AFAP1: variants seen among roughly 807,000 people sequenced by gnomAD.
AFAP1 encodes actin filament associated protein 1.
AFAP1 carries 75 observed loss-of-function variants against 93.9 expected under a neutral mutation model. That is an observed-to-expected ratio of 0.80 (90% confidence interval 0.66 to 0.97). AFAP1 has a LOEUF of 0.97. AFAP1 is among the 50% of genes least tolerant of loss of function. The pLI, the probability that AFAP1 is intolerant of heterozygous loss-of-function variation, is 0.00. For synonymous variants in AFAP1, 517 were observed against 430.7 expected, an observed-to-expected ratio of 1.20 and a Z score of -2.48; for missense variants, 1,201 against 1,050.8, an observed-to-expected ratio of 1.14 and a Z score of -1.98.
intron 1 of AFAP1, among the ~76,000 whole-genome samples, chr4:7,925,736 T>C (rs954164132): frequency 2.6e-5 from 4 of 152,076 alleles, no homozygotes; most frequent in African/African-American, 7.3e-5. Flanking sequence ...TCCCAGCTAC[T>C]TGGCAGGCTG....
rs546018067 is a variant in AFAP1 at position 7,899,003 on chromosome 4, A to G, written c.-2-26923T>C. Among the ~76,000 whole-genome samples the G allele has an allele frequency of 1.6e-4, 22 of 137,664 alleles. 1 individual carries two copies. The highest frequency in any genetic ancestry group is 8.7e-4 in the South Asian group (4 of 4,604). 90.3% of individuals were successfully genotyped at this position (137,664 alleles called of 152,430 possible). A position where few individuals can be genotyped will look rare whatever the true frequency, so the allele number is the denominator to read the frequency against. On this transcript the variant is annotated intron_variant, in intron 1 of 17. Coordinates refer to ENST00000420658, the MANE Select transcript of AFAP1 (RefSeq NM_001134647.2). ...AATGGTATTGTATATACACAAATGTATATATATAAATATATGTGTGTGTAT... is the reference window on the plus strand; with the variant it reads ...AATGGTATTGTATATACACAAATGTGTATATATAAATATATGTGTGTGTAT...
intron 1 of AFAP1, among the ~76,000 whole-genome samples, chr4:7,919,192 T>C (rs920628996): frequency 8.6e-5 from 13 of 152,046 alleles, no homozygotes; most frequent in African/African-American, 2.4e-4. Flanking sequence ...TGGAGGGAAA[T>C]TCACACAGAT....
At chr4:7,847,900 C>T (rs1173429336) in intron 4 of AFAP1, among the ~76,000 whole-genome samples, 2 of 151,698 alleles carry the variant, frequency 1.3e-5, no homozygotes, top group Non-Finnish European at 2.9e-5. Context: ...ACCGTGTGAA[C>T]TCTGTTGAAA....
intron 13 of AFAP1, among the ~76,000 whole-genome samples, chr4:7,780,475 T>G (rs1185763810): frequency 6.6e-6 from 1 of 152,222 alleles, no homozygotes; most frequent in East Asian, 1.9e-4. Context: ...TTCTTACATA[T>G]GGGCTTAGGT....
chr4:7,822,579 C>CT (rs1319604243), intron 6 of AFAP1, among the ~76,000 whole-genome samples: 1 of 106,134 alleles, frequency 9.4e-6, no homozygotes, highest in African/African-American at 3.9e-5. Context: ...CTTTCTTTTT[C>CT]TTTTTTCTTT....
chr4:7,837,713 T>G (rs1319386258), intron 6 of AFAP1, among the ~76,000 whole-genome samples: 1 of 151,664 alleles, frequency 6.6e-6, no homozygotes, highest in African/African-American at 2.4e-5. Flanking sequence ...TAAACCAGAC[T>G]AAAGAAGAAA....
rs747851047 is a variant in AFAP1, at chr4:7,786,149, G to A, written c.1530+45C>T. 6.4e-6 allele frequency: 10 copies of A among 1,552,250 alleles called. No homozygotes were observed. The East Asian group carries it at 6.8e-5, about 10-fold the overall frequency. On this transcript the variant is annotated intron_variant, in intron 12 of 17. Transcript: ENST00000420658. ...TGAAGCACAGAATTTTCACAGCCTC[G>A]GCCTCTAACAAAACCAACCATTACT...
chr4:7,925,469 T>C (rs1720673179), intron 1 of AFAP1, among the ~76,000 whole-genome samples: 1 of 152,070 alleles, frequency 6.6e-6, no homozygotes, highest in South Asian at 2.1e-4. Flanking sequence ...TCCCAGCACT[T>C]TGGGAGGCCG....
chr4:7,846,817 G>C (rs1300831654), intron 4 of AFAP1, among the ~76,000 whole-genome samples: 1 of 152,182 alleles, frequency 6.6e-6, no homozygotes, highest in Non-Finnish European at 1.5e-5. Context: ...GGGCACATAA[G>C]ACATTAGTCT....
At chr4:7,933,401 C>T (rs1378829319) in intron 1 of AFAP1, among the ~76,000 whole-genome samples, 1 of 152,060 alleles carries the variant, frequency 6.6e-6, no homozygotes, top group Non-Finnish European at 1.5e-5. Context: ...GGTGAAACCC[C>T]ATCTCTACTA....
In AFAP1 at chr4:7,881,292, C is replaced by T. The variant is rs1050498957; in HGVS notation, c.-2-9212G>A. On this transcript the variant is annotated intron_variant, in intron 1 of 17. Coordinates refer to ENST00000420658, the MANE Select transcript of AFAP1 (RefSeq NM_001134647.2). ...CATGGGGTGACCCTCTGATAGCACC[C>T]GCCACTTGAGTCAAGGCTACCTCTC... Among the ~76,000 whole-genome samples the T allele has an allele frequency of 5.3e-5, 8 of 152,256 alleles. No individual in the cohort carries two copies. In the East Asian group the frequency reaches 7.7e-4, roughly 15 times the overall value.
chr4:7,826,159 T>C (rs998787683), intron 6 of AFAP1, among the ~76,000 whole-genome samples: 10 of 152,244 alleles, frequency 6.6e-5, no homozygotes, highest in African/African-American at 2.4e-4. Flanking sequence ...GTTCTCACTG[T>C]GTGGGCTGGC....
At position 7,793,673 on chromosome 4, in the gene AFAP1, G is replaced by T; in HGVS notation, c.1412+8C>A. On this transcript the variant is annotated splice_region_variant and intron_variant, in intron 11 of 17. Coordinates refer to ENST00000420658, the MANE Select transcript of AFAP1 (RefSeq NM_001134647.2). ...TGTGGTGCCATTTCACATGGCAGTG[G>T]GTCTTACCAGAAGGTCTGTTTGGCT... 6.5e-7 allele frequency: 1 copy of T among 1,529,552 alleles called. No homozygotes were observed. Among genetic ancestry groups the T allele is most frequent in the Non-Finnish European group, 8.9e-7 (1 of 1,121,826 alleles). The allele number at this position is 1,529,552 out of a possible 1,614,324, so 94.7% of individuals were successfully genotyped here.
chr4:7,917,651 C>T (rs1202328617), intron 1 of AFAP1, among the ~76,000 whole-genome samples: 1 of 152,180 alleles, frequency 6.6e-6, no homozygotes, highest in African/African-American at 2.4e-5. Context: ...AACCACGTAC[C>T]TCTCACTACA....
intron 10 of AFAP1, among the ~76,000 whole-genome samples, chr4:7,796,137 G>A (rs533801700): frequency 2.7e-4 from 41 of 152,146 alleles, no homozygotes; most frequent in African/African-American, 8.9e-4. Flanking sequence ...GCTCTGGCCC[G>A]CCGGCAGAAG....
chr4:7,868,588 C>A (rs765597178), intron 3 of AFAP1, 34 bp downstream of exon 3: 2 of 1,592,312 alleles, frequency 1.3e-6, no homozygotes, highest in South Asian at 2.2e-5. Flanking sequence ...AGGCCTCCAG[C>A]GATGACCACT....
intron 1 of AFAP1, among the ~76,000 whole-genome samples, chr4:7,921,550 A>G (rs1720443862): frequency 6.6e-6 from 1 of 152,162 alleles, no homozygotes. Flanking sequence ...GTTGGCAAGG[A>G]AATAGAAATA....
chr4:7,901,215 C>T (rs534392450), intron 1 of AFAP1, among the ~76,000 whole-genome samples: 5 of 152,318 alleles, frequency 3.3e-5, no homozygotes, highest in African/African-American at 1.2e-4. Flanking sequence ...TATGCCTGTG[C>T]GTGCCTAGCA....
chr4:7,875,920 A>G (rs1169340958), intron 1 of AFAP1, among the ~76,000 whole-genome samples: 1 of 152,162 alleles, frequency 6.6e-6, no homozygotes, highest in Non-Finnish European at 1.5e-5. Flanking sequence ...ACTAGGGGCT[A>G]GTGGTGGGGA....
Sources: gnomAD v4.1 joint callset for allele counts (sites outside exome capture counted in the v4.1 genomes callset) on GRCh38, gnomAD v4.1.1 for gene constraint, MANE v1.5 for transcripts, NCBI Gene and HGNC (gene_info 2026-07-23, HGNC 2026-07-21) for gene names.